Variants in UCK2 observed in about 807,000 individuals in gnomAD.
UCK2 encodes the protein cytidine monophosphokinase 2.
UCK2 carries 6 observed loss-of-function variants against 30.8 expected under a neutral mutation model. The observed-to-expected ratio is 0.19, with a 90% confidence interval of 0.11 to 0.38. UCK2 has a LOEUF of 0.38. Ranked by LOEUF, UCK2 falls within the 10% of genes least tolerant of loss-of-function variation. The pLI is 1.00. For synonymous variants in UCK2, 125 were observed against 133.6 expected (o/e 0.94, Z 0.45); for missense variants, 210 against 339.8 (o/e 0.62, Z 3.00).
intron 1 of UCK2, among the ~76,000 whole-genome samples, chr1:165,838,593 T>C (rs1186462207): frequency 6.6e-6 from 1 of 152,148 alleles, no homozygotes; most frequent in Non-Finnish European, 1.5e-5. Flanking sequence ...ACATTAAACC[T>C]GTTGCTGGGG....
At chr1:165,878,127 T>C (rs1021436738) in intron 1 of UCK2, among the ~76,000 whole-genome samples, 2 of 152,216 alleles carry the variant, frequency 1.3e-5, no homozygotes, top group Non-Finnish European at 2.9e-5. Context: ...TCCCCTGTGC[T>C]CTGCCCATTC....
At chr1:165,903,135 C>G (rs1453550996) in intron 4 of UCK2, 47 bp from the exon 5 acceptor site, 1 of 1,498,696 alleles carries the variant, frequency 6.7e-7, no homozygotes, top group African/African-American at 1.4e-5. Flanking sequence ...CGGGTGTGTG[C>G]TGGCTCCTAC....
chr1:165,838,041 T>C (rs376020007), intron 1 of UCK2, among the ~76,000 whole-genome samples: 1 of 152,230 alleles, frequency 6.6e-6, no homozygotes, highest in African/African-American at 2.4e-5. Flanking sequence ...TCTTCAAACA[T>C]GTTTGCATTC....
Position 165,903,273 on chromosome 1 carries a change from C to T in UCK2, c.591C>T (p.Cys197=), listed in dbSNP as rs923036928. The T allele has an allele frequency of 3.7e-6, 6 of 1,613,302 alleles. No individual in the cohort carries two copies. In the South Asian group the frequency reaches 6.6e-5, roughly 18 times the overall value. Residue 197 remains cysteine (C), a synonymous_variant, in exon 5 of 7, where the codon TGC becomes TGT. Transcript: ENST00000367879. ...TFVKPAFEEF[C]LPTKKYADVI... ...TCAAGCCTGCCTTTGAGGAATTCTG[C>T]TTGCCAGTGAGTTGTGTTCTTGGTT...
intron 1 of UCK2, among the ~76,000 whole-genome samples, chr1:165,880,152 A>T (rs544487779): frequency 6.6e-5 from 10 of 152,232 alleles, no homozygotes; most frequent in Non-Finnish European, 1.3e-4. Flanking sequence ...TCGGCAGAGG[A>T]TCCAACTGGC....
At chr1:165,828,056 G>C (rs1653937314) in intron 1 of UCK2, 124 bp downstream of exon 1, 1 of 634,534 alleles carries the variant, frequency 1.6e-6, no homozygotes, top group East Asian at 7.1e-5. Flanking sequence ...CTCCGCTCCC[G>C]GCCGCGCTCC....
intron 1 of UCK2, among the ~76,000 whole-genome samples, chr1:165,862,651 G>A (rs1654948593): frequency 1.3e-5 from 2 of 152,222 alleles, no homozygotes; most frequent in African/African-American, 4.8e-5. Flanking sequence ...GCAGCTGGCT[G>A]CAACCCAGCC....
intron 4 of UCK2, among the ~76,000 whole-genome samples, chr1:165,898,307 A>T (rs1411893884): frequency 6.6e-6 from 1 of 152,208 alleles, no homozygotes; most frequent in Admixed American, 6.5e-5. Context: ...TTTTCCTATT[A>T]GAATGTGGTC....
intron 4 of UCK2, among the ~76,000 whole-genome samples, chr1:165,899,557 A>G (rs1284367193): frequency 6.6e-6 from 1 of 152,212 alleles, no homozygotes; most frequent in Admixed American, 6.5e-5. Flanking sequence ...TTGGCTAACC[A>G]GAAAGAGCAA....
At chr1:165,855,986 G>GTCTATAGC (rs145170658) in intron 1 of UCK2, among the ~76,000 whole-genome samples, 2,909 of 152,212 alleles carry the variant, frequency 0.019, 97 homozygotes, top group African/African-American at 0.067. Context: ...AATCTGTGCT[G>GTCTATAGC]TCTATAGCAT....
intron 1 of UCK2, among the ~76,000 whole-genome samples, chr1:165,830,892 C>T (rs372781065): frequency 1.8e-4 from 28 of 151,400 alleles, no homozygotes; most frequent in African/African-American, 4.6e-4. Flanking sequence ...TGTGGTGGGT[C>T]GAGAAAGTTA....
chr1:165,841,427 A>G (rs2101852322), intron 1 of UCK2, among the ~76,000 whole-genome samples: 1 of 151,758 alleles, frequency 6.6e-6, no homozygotes, highest in Admixed American at 6.6e-5. Context: ...CAGGTGATCC[A>G]CCCCCAATCA....
chr1:165,883,431 A>C (rs1380423343), intron 1 of UCK2, among the ~76,000 whole-genome samples: 1 of 152,240 alleles, frequency 6.6e-6, no homozygotes, highest in African/African-American at 2.4e-5. Flanking sequence ...AAATTTTGAC[A>C]TTTCTATTTA....
At chr1:165,855,893 T>A (rs1654731169) in intron 1 of UCK2, among the ~76,000 whole-genome samples, 1 of 152,124 alleles carries the variant, frequency 6.6e-6, no homozygotes, top group African/African-American at 2.4e-5. Flanking sequence ...AAATACACAA[T>A]CTATTCTCTG....
intron 1 of UCK2, among the ~76,000 whole-genome samples, chr1:165,888,884 A>G (rs1655691234): frequency 6.6e-6 from 1 of 152,202 alleles, no homozygotes; most frequent in African/African-American, 2.4e-5. Context: ...ATGAAAAAAG[A>G]AATCAGTTAT....
intron 1 of UCK2, among the ~76,000 whole-genome samples, chr1:165,857,826 CT>C (rs1210131821): frequency 6.6e-6 from 1 of 152,186 alleles, no homozygotes; most frequent in African/African-American, 2.4e-5. Flanking sequence ...GCCTTACTTT[CT>C]CCCTTTTACC....
intron 4 of UCK2, among the ~76,000 whole-genome samples, chr1:165,900,840 A>G (rs969914011): frequency 2.0e-5 from 3 of 152,202 alleles, no homozygotes; most frequent in East Asian, 1.9e-4. Flanking sequence ...TTGCAAAACA[A>G]TCCAGCATCA....
At chr1:165,904,749 C>T (rs555109451) in intron 5 of UCK2, among the ~76,000 whole-genome samples, 12 of 152,164 alleles carry the variant, frequency 7.9e-5, no homozygotes, top group Non-Finnish European at 1.5e-4. Context: ...AATCCTAGGG[C>T]AGAGGCTGCA....
chr1:165,859,085 C>T lies in UCK2; in HGVS notation c.100-31119C>T, dbSNP rs114017964. ...GATAAGACAGTTCACTGAGTTGCAA[C>T]GTTTATGACACAGGGAATGGAGGAC... On this transcript the variant is annotated intron_variant, in intron 1 of 6. Coordinates refer to ENST00000367879, the MANE Select transcript of UCK2 (RefSeq NM_012474.5). 4.5e-3 allele frequency among the ~76,000 whole-genome samples: 692 copies of T among 152,206 alleles called. 6 individuals are homozygous for T. The highest frequency in any genetic ancestry group is 0.016 in the African/African-American group (663 of 41,526).
Sources: allele counts gnomAD v4.1 joint callset (sites outside exome capture counted in the v4.1 genomes callset), GRCh38; gene constraint gnomAD v4.1.1; transcripts MANE v1.5; gene names NCBI Gene and HGNC (gene_info 2026-07-23, HGNC 2026-07-21).